The following RALYL variants were observed in gnomAD, a reference collection of about 807,000 sequenced individuals.
RALYL encodes RALY RNA binding protein like.
Under a neutral mutation model 35.1 loss-of-function variants are expected in RALYL, and 29 were observed. The ratio of observed to expected loss-of-function variants is 0.83; its 90% CI spans 0.61 to 1.13. The LOEUF (loss-of-function observed/expected upper bound fraction) is 1.13. Among genes scored for constraint, RALYL ranks in the 50% most tolerant of loss-of-function variants. RALYL has a pLI of 0.00. For missense variants in RALYL, 359 were observed against 360.4 expected (o/e 1.00, Z 0.03); for synonymous variants, 120 against 127.6 (o/e 0.94, Z 0.40).
At chr8:84,442,107 A>T (rs994518243) in intron 1 of RALYL, among the ~76,000 whole-genome samples, 4 of 152,144 alleles carry the variant, frequency 2.6e-5, no homozygotes, top group Non-Finnish European at 5.9e-5. Flanking sequence ...AAAGAAATGG[A>T]GGAAGAACCA....
At chr8:84,579,304 G>C (rs946631396) in intron 2 of RALYL, among the ~76,000 whole-genome samples, 2 of 152,180 alleles carry the variant, frequency 1.3e-5, no homozygotes, top group African/African-American at 4.8e-5. Flanking sequence ...GTGGGCAGAG[G>C]ACAGGCAATG....
At position 84,279,195 on chromosome 8, in the gene RALYL, C is replaced by G. The variant is rs184330042; in HGVS notation, c.-24+94771C>G. On this transcript the variant is annotated intron_variant, in intron 1 of 8. Transcript: ENST00000521268. ...TCATGAGAACTTACTACCACAAGAA[C>G]AGTATGGGGGAAACTGTCCCCATGA... 1.8e-4 allele frequency among the ~76,000 whole-genome samples: 28 copies of G among 152,262 alleles called. 1 individual carries two copies. In the East Asian group the frequency reaches 5.2e-3, roughly 28 times the overall value.
chr8:84,315,782 T>A (rs183182895), intron 1 of RALYL, among the ~76,000 whole-genome samples: 1 of 151,498 alleles, frequency 6.6e-6, no homozygotes, highest in Non-Finnish European at 1.5e-5. Context: ...ATATTTAATT[T>A]GAGCAAGAAG....
intron 8 of RALYL, chr8:84,907,052 T>C (rs1324863000): frequency 2.6e-6 from 2 of 776,320 alleles, no homozygotes; most frequent in Non-Finnish European, 3.1e-6. Context: ...ATCTGATAAG[T>C]ATCCCGGAAA....
chr8:84,886,662 T>A, intron 7 of RALYL, among the ~76,000 whole-genome samples: 1 of 152,290 alleles, frequency 6.6e-6, no homozygotes, highest in Middle Eastern at 3.4e-3. Flanking sequence ...TGTATTATCA[T>A]AGGGGATGAA....
intron 2 of RALYL, among the ~76,000 whole-genome samples, chr8:84,533,396 G>T (rs1564099338): frequency 6.6e-6 from 1 of 152,120 alleles, no homozygotes. Context: ...TTATGCAGAG[G>T]TTAGAGACTA....
At chr8:84,768,836 C>A (rs1814733617) in intron 2 of RALYL, among the ~76,000 whole-genome samples, 1 of 152,124 alleles carries the variant, frequency 6.6e-6, no homozygotes, top group South Asian at 2.1e-4. Flanking sequence ...AAAGTATTTT[C>A]TTTGGCATTT....
At chr8:84,651,680 A>G (rs1195136820) in intron 2 of RALYL, among the ~76,000 whole-genome samples, 1 of 152,102 alleles carries the variant, frequency 6.6e-6, no homozygotes, top group East Asian at 1.9e-4. Context: ...CTGATCAAAA[A>G]TTATGACAAT....
rs1811826144 is a variant in RALYL, at chr8:84,183,811, C to T, written c.-637C>T. Reference sequence around the variant, plus strand: ...GTCTCGGAGTCCGCGGCGACCGTGCCCGCTGGGAGCGTCTCCCAAGTCCAG... The same window carrying T: ...GTCTCGGAGTCCGCGGCGACCGTGCTCGCTGGGAGCGTCTCCCAAGTCCAG... On this transcript the variant is annotated 5_prime_UTR_variant, in exon 1 of 9. Transcript: ENST00000521268. 6.6e-6 allele frequency: 1 copy of T among 152,382 alleles called. No homozygotes were observed. Among genetic ancestry groups the T allele is most frequent in the Non-Finnish European group, 1.5e-5 (1 of 68,022 alleles). The allele number at this position is 152,382 out of a possible 1,614,324, so 9.4% of individuals were successfully genotyped here. A position where few individuals can be genotyped will look rare whatever the true frequency, so the allele number is the denominator to read the frequency against.
intron 3 of RALYL, among the ~76,000 whole-genome samples, chr8:84,784,692 T>G (rs79810088): frequency 0.013 from 1,911 of 152,262 alleles, 54 homozygotes; most frequent in African/African-American, 0.044. Flanking sequence ...TTACATAAAC[T>G]GTTTGGTGTC....
chr8:84,464,155 T>A lies in RALYL; in HGVS notation c.-23-65144T>A, dbSNP rs1009276783. Among the ~76,000 whole-genome samples the A allele has an allele frequency of 4.0e-5, 6 of 148,268 alleles. No individual in the cohort carries two copies. The Admixed American group carries it at 4.1e-4, about 10-fold the overall frequency. On this transcript the variant is annotated intron_variant, in intron 1 of 8. Coordinates refer to ENST00000521268, the MANE Select transcript of RALYL (RefSeq NM_173848.7). ...AGTTTTTTTTTTGTTTTTTTTTTTATTATACTTTAAGTTTTAGGGTACATG... is the reference window on the plus strand; with the variant it reads ...AGTTTTTTTTTTGTTTTTTTTTTTAATATACTTTAAGTTTTAGGGTACATG...
At chr8:84,660,883 A>G (rs1310475475) in intron 2 of RALYL, among the ~76,000 whole-genome samples, 1 of 152,054 alleles carries the variant, frequency 6.6e-6, no homozygotes, top group Non-Finnish European at 1.5e-5. Context: ...GTATCTTAAT[A>G]TACATATAAA....
chr8:84,555,282 T>TATAC (rs940015256), intron 2 of RALYL, among the ~76,000 whole-genome samples: 5 of 141,388 alleles, frequency 3.5e-5, no homozygotes, highest in Non-Finnish European at 6.2e-5. Flanking sequence ...CATCTCAATA[T>TATAC]ATACATACAC....
chr8:84,422,748 G>A (rs1414217911), intron 1 of RALYL, among the ~76,000 whole-genome samples: 4 of 143,016 alleles, frequency 2.8e-5, no homozygotes, highest in Non-Finnish European at 6.1e-5. Context: ...GGTATGTTGT[G>A]TCTTTGTTCT....
At chr8:84,737,511 T>C (rs1451015691) in intron 2 of RALYL, among the ~76,000 whole-genome samples, 1 of 152,034 alleles carries the variant, frequency 6.6e-6, no homozygotes, top group African/African-American at 2.4e-5. Context: ...GGGGGAACTA[T>C]ATATTAAGTA....
chr8:84,545,244 A>G (rs1399278286), intron 2 of RALYL, among the ~76,000 whole-genome samples: 1 of 152,130 alleles, frequency 6.6e-6, no homozygotes, highest in Non-Finnish European at 1.5e-5. Flanking sequence ...TTCCGTAAGC[A>G]ACCAGTTCTA....
At chr8:84,631,599 GAC>G (rs1169806600) in intron 2 of RALYL, among the ~76,000 whole-genome samples, 3 of 148,598 alleles carry the variant, frequency 2.0e-5, no homozygotes, top group Non-Finnish European at 4.4e-5. Context: ...GGGTCAAAAA[GAC>G]AGTTTTTTTT....
chr8:84,664,909 T>G (rs1831677014), intron 2 of RALYL, among the ~76,000 whole-genome samples: 1 of 152,164 alleles, frequency 6.6e-6, no homozygotes. Context: ...TTGCCAGTTT[T>G]CAAGGGGAAT....
intron 1 of RALYL, among the ~76,000 whole-genome samples, chr8:84,344,323 C>G (rs1297415562): frequency 6.6e-6 from 1 of 151,874 alleles, no homozygotes; most frequent in African/African-American, 2.4e-5. Context: ...TACCTTTAAA[C>G]TTTATAATTG....
Sources: gnomAD v4.1 joint callset for allele counts (sites outside exome capture counted in the v4.1 genomes callset) on GRCh38, gnomAD v4.1.1 for gene constraint, MANE v1.5 for transcripts, NCBI Gene and HGNC (gene_info 2026-07-23, HGNC 2026-07-21) for gene names.